The following CLCA2 variants were observed in gnomAD, a reference collection of about 807,000 sequenced individuals.
CLCA2 encodes chloride channel accessory 2.
Under a neutral mutation model 82.9 loss-of-function variants are expected in CLCA2, and 85 were observed. The ratio of observed to expected loss-of-function variants is 1.03; its 90% CI spans 0.86 to 1.23. The LOEUF (loss-of-function observed/expected upper bound fraction) is 1.23, where lower values mean the gene tolerates loss of function less well. CLCA2 is among the 50% of genes most tolerant of loss of function. The pLI is 0.00. For missense variants in CLCA2, 1,089 were observed against 1,124.8 expected (o/e 0.97, Z 0.45); for synonymous variants, 421 against 391.7 (o/e 1.07, Z -0.88).
intron 3 of CLCA2, among the ~76,000 whole-genome samples, chr1:86,429,232 G>A (rs942380653): frequency 3.9e-5 from 6 of 152,182 alleles, no homozygotes; most frequent in Non-Finnish European, 7.4e-5. Flanking sequence ...AGATGGGAAG[G>A]ATAGTAATAA....
At chr1:86,427,155 G>C (rs377355009) in intron 2 of CLCA2, among the ~76,000 whole-genome samples, 1 of 152,272 alleles carries the variant, frequency 6.6e-6, no homozygotes, top group East Asian at 1.9e-4. Flanking sequence ...AATCATGGAA[G>C]GGGGAAAGGG....
At chr1:86,426,426 T>C (rs1359928858) in intron 2 of CLCA2, among the ~76,000 whole-genome samples, 1 of 152,142 alleles carries the variant, frequency 6.6e-6, no homozygotes, top group Non-Finnish European at 1.5e-5. Context: ...AGAAATTGAA[T>C]GGTATAGCAA....
At chr1:86,447,430 A>G (rs1387684929) in intron 10 of CLCA2, 78 bp from the exon 11 acceptor site, 76 of 1,462,978 alleles carry the variant, frequency 5.2e-5, no homozygotes, top group Non-Finnish European at 6.7e-5. Context: ...AAAATTCTCC[A>G]GAAGTTTTGA....
At chr1:86,431,325 A>G (rs1662495680) in intron 4 of CLCA2, among the ~76,000 whole-genome samples, 1 of 152,154 alleles carries the variant, frequency 6.6e-6, no homozygotes, top group African/African-American at 2.4e-5. Flanking sequence ...ATAGAAACAT[A>G]TGTTTTTCCT....
rs549897508 is a variant in CLCA2 at position 86,434,026 on chromosome 1, T to G, written c.745-492T>G. The stretch of plus-strand genomic sequence containing the variant: ...GGGGTGGGGGATCAGGAAGTAAATT[T>G]AAGTTGTTTATCCCCTTATCTATTT... On this transcript the variant is annotated intron_variant, in intron 5 of 13. Coordinates refer to ENST00000370565, the MANE Select transcript of CLCA2 (RefSeq NM_006536.7). Among the ~76,000 whole-genome samples, 69 of 152,264 alleles carry G rather than the reference T, an allele frequency of 4.5e-4. 1 individual carries two copies. Among genetic ancestry groups the G allele is most frequent in the Non-Finnish European group, 9.1e-4 (62 of 68,026 alleles).
At chr1:86,434,889 T>TA in intron 6 of CLCA2, 144 bp downstream of exon 6, 1 of 679,698 alleles carries the variant, frequency 1.5e-6, no homozygotes. Flanking sequence ...TAGTGGTTGC[T>TA]GCACCTATCA....
chr1:86,448,047 C>A (rs1000411676), intron 11 of CLCA2: 2 of 467,688 alleles, frequency 4.3e-6, no homozygotes, highest in Non-Finnish European at 7.7e-6. Flanking sequence ...CTGGCTTCCA[C>A]TTGCTGAGGT....
chr1:86,429,855 T>C (rs1045278903), intron 3 of CLCA2, among the ~76,000 whole-genome samples: 2 of 152,198 alleles, frequency 1.3e-5, no homozygotes, highest in Non-Finnish European at 2.9e-5. Flanking sequence ...TACAAAACAC[T>C]TTATAAATCT....
chr1:86,435,067 C>A (rs1202400497), intron 6 of CLCA2, among the ~76,000 whole-genome samples: 2 of 152,146 alleles, frequency 1.3e-5, no homozygotes, highest in Admixed American at 6.5e-5. Flanking sequence ...GTAGCTGGGA[C>A]TACAGGTGCA....
Position 86,440,200 on chromosome 1 carries a change from C to G in CLCA2, c.1256C>G (p.Thr419Ser). 1.2e-6 allele frequency: 2 copies of G among 1,614,058 alleles called. No homozygotes were observed. Among genetic ancestry groups the G allele is most frequent in the Non-Finnish European group, 1.7e-6 (2 of 1,179,980 alleles). The change falls in exon 8 of 14, where the codon ACC (threonine) becomes AGC (serine). Residue 419 changes from threonine (T) to serine (S), a missense_variant. By Grantham distance (58) the Thr-to-Ser change is moderately conservative. Transcript: ENST00000370565. Reference protein sequence around the residue: ...KAYGSVMILVTSGDDKLLGNC... With the variant: ...KAYGSVMILVSSGDDKLLGNC... ...TATGGCTCTGTGATGATATTAGTGA[C>G]CAGCGGAGATGATAAGCTTCTTGGC...
Position 86,455,339 on chromosome 1 carries a change from G to A in CLCA2, c.2644G>A (p.Ala882Thr), listed in dbSNP as rs940248757. ...NSLQSAVSNI[A>T]QAPLFIPPNS... ...CTTACAGTCTGCTGTATCTAACATT[G>A]CCCAGGCGCCTCTGTTTATTCCCCC... Residue 882 changes from alanine (A) to threonine (T), a missense_variant, in exon 14 of 14, where the codon GCC (alanine) becomes ACC (threonine). Transcript: ENST00000370565. 14 of 1,612,414 alleles carry A rather than the reference G, an allele frequency of 8.7e-6. No homozygotes were observed. The highest frequency in any genetic ancestry group is 1.0e-5 in the Non-Finnish European group (12 of 1,179,480).
intron 11 of CLCA2, among the ~76,000 whole-genome samples, chr1:86,450,260 A>T (rs1194646506): frequency 1.3e-5 from 2 of 152,206 alleles, no homozygotes; most frequent in Non-Finnish European, 2.9e-5. Flanking sequence ...CTTGATTTCT[A>T]GAAAAAACTA....
In CLCA2 at chr1:86,432,275, C is replaced by A; in HGVS notation, c.585-94C>A. The stretch of plus-strand genomic sequence containing the variant: ...TAAAGTTTTGTATATATCTAGCAGG[C>A]TACAATCCTTGTAATAATTATATAA... On this transcript the variant is annotated intron_variant, in intron 4 of 13. Transcript: ENST00000370565. 2.1e-6 allele frequency: 3 copies of A among 1,433,846 alleles called. No homozygotes were observed. The South Asian group carries it at 3.7e-5, about 18-fold the overall frequency. The allele number at this position is 1,433,846 out of a possible 1,614,324, so 88.8% of individuals were successfully genotyped here.
rs75805709 is a variant in CLCA2, at chr1:86,429,683, T to G, written c.475+1115T>G. Among the ~76,000 whole-genome samples, 93 of 152,302 alleles carry G rather than the reference T, an allele frequency of 6.1e-4. 2 individuals carry two copies. In the East Asian group the frequency reaches 0.017, roughly 28 times the overall value. On this transcript the variant is annotated intron_variant, in intron 3 of 13. Transcript: ENST00000370565. ...AAGGACTATCTATCCCAATCTTTATTTTTTGTTTTTGATTTAATGTAACAG... is the reference window on the plus strand; with the variant it reads ...AAGGACTATCTATCCCAATCTTTATGTTTTGTTTTTGATTTAATGTAACAG...
Position 86,440,260 on chromosome 1 carries a change from C to T in CLCA2, c.1316C>T (p.Thr439Ile). The change falls in exon 8 of 14, where the codon ACA (threonine) becomes ATA (isoleucine). Residue 439 changes from threonine (T) to isoleucine (I), a missense_variant. Transcript: ENST00000370565. Reference sequence around the variant, plus strand: ...CCCACTGTGCTCAGCAGTGGTTCAACAATTCACTCCATTGCCCTGGGTTCA... The same window carrying T: ...CCCACTGTGCTCAGCAGTGGTTCAATAATTCACTCCATTGCCCTGGGTTCA... ...CLPTVLSSGS[T>I]IHSIALGSSA... 1.2e-6 allele frequency: 2 copies of T among 1,614,110 alleles called. No homozygotes were observed. Among genetic ancestry groups the T allele is most frequent in the Non-Finnish European group, 1.7e-6 (2 of 1,180,008 alleles).
chr1:86,424,217 A>G lies in CLCA2; in HGVS notation c.-31A>G. On this transcript the variant is annotated 5_prime_UTR_variant, in exon 1 of 14. Transcript: ENST00000370565. ...CTGACACAATGTATGCAGCAGGCTCAGTGTGAGTGAACTGGAGGCTTCTCT... is the reference window on the plus strand; with the variant it reads ...CTGACACAATGTATGCAGCAGGCTCGGTGTGAGTGAACTGGAGGCTTCTCT... 1 of 1,592,026 alleles carries G rather than the reference A, an allele frequency of 6.3e-7. No homozygotes were observed.
At chr1:86,441,382 A>G (rs1476467244) in intron 8 of CLCA2, 55 bp from the exon 9 acceptor site, 16 of 1,052,304 alleles carry the variant, frequency 1.5e-5, no homozygotes, top group Non-Finnish European at 2.1e-5. Context: ...TTAACATTTT[A>G]TTTTTGTTTT....
intron 6 of CLCA2, among the ~76,000 whole-genome samples, chr1:86,437,656 G>A (rs373467291): frequency 2.6e-5 from 4 of 151,770 alleles, no homozygotes; most frequent in South Asian, 2.1e-4. Context: ...GAGAGGTGGC[G>A]AATGGGATAG....
At chr1:86,435,100 G>C (rs1158934560) in intron 6 of CLCA2, among the ~76,000 whole-genome samples, 2 of 152,110 alleles carry the variant, frequency 1.3e-5, no homozygotes, top group Non-Finnish European at 2.9e-5. Flanking sequence ...TTTTCTATCA[G>C]TTTTTAATTA....
Sources: gnomAD v4.1 joint callset for allele counts (sites outside exome capture counted in the v4.1 genomes callset) on GRCh38, gnomAD v4.1.1 for gene constraint, MANE v1.5 for transcripts, NCBI Gene and HGNC (gene_info 2026-07-23, HGNC 2026-07-21) for gene names.